The following RRM2B variants were observed in gnomAD, a reference collection of about 807,000 sequenced individuals.
RRM2B encodes the protein ribonucleoside-diphosphate reductase subunit M2 B.
In RRM2B, 20 loss-of-function variants were observed where a neutral mutation model predicts 45.9. The observed-to-expected ratio is 0.44, with a 90% CI of 0.31 to 0.63. RRM2B has a LOEUF of 0.63. Ranked by LOEUF, RRM2B falls within the 30% of genes least tolerant of loss-of-function variation. The probability of loss-of-function intolerance (pLI) is 0.09; values close to 1 mark genes in which losing one functional copy is unlikely to be tolerated. For synonymous variants in RRM2B, 124 were observed against 132.3 expected, an observed-to-expected ratio of 0.94 and a Z score of 0.43; for missense variants, 320 against 414.7, an observed-to-expected ratio of 0.77 and a Z score of 1.98.
chr8:102,219,004 TATATATACAC>T, intron 5 of RRM2B, 57 bp from the exon 6 acceptor site: 1 of 1,515,302 alleles, frequency 6.6e-7, no homozygotes, highest in Non-Finnish European at 9.1e-7. Context: ...TTTGCATATA[TATATATACAC>T]ATATATAACA....
chr8:102,231,214 A>G (rs1381653677), intron 2 of RRM2B, among the ~76,000 whole-genome samples: 1 of 152,198 alleles, frequency 6.6e-6, no homozygotes, highest in Non-Finnish European at 1.5e-5. Context: ...ACCAACCAGC[A>G]AATATTTTCT....
intron 2 of RRM2B, among the ~76,000 whole-genome samples, chr8:102,231,091 CAT>C (rs769548891): frequency 6.6e-6 from 1 of 152,176 alleles, no homozygotes; most frequent in Non-Finnish European, 1.5e-5. Flanking sequence ...CATATACAAA[CAT>C]ATACAGAACA....
chr8:102,220,617 C>T (rs1363297594), intron 5 of RRM2B, among the ~76,000 whole-genome samples: 4 of 152,022 alleles, frequency 2.6e-5, no homozygotes, highest in Admixed American at 2.6e-4. Flanking sequence ...TTTTTTATTT[C>T]TTTAGAGCTA....
At chr8:102,233,555 A>T (rs1811070483) in intron 1 of RRM2B, among the ~76,000 whole-genome samples, 1 of 152,330 alleles carries the variant, frequency 6.6e-6, no homozygotes, top group African/African-American at 2.4e-5. Context: ...AGAAAATTTT[A>T]ATTTAACATA....
intron 1 of RRM2B, among the ~76,000 whole-genome samples, chr8:102,238,075 C>A (rs1165980232): frequency 1.3e-5 from 2 of 152,220 alleles, no homozygotes; most frequent in Non-Finnish European, 2.9e-5. Flanking sequence ...AACTACCATA[C>A]AATCCTACAG....
rs1810511184 is a variant in RRM2B, at chr8:102,204,589, A to G, written c.*3544T>C. On this transcript the variant is annotated 3_prime_UTR_variant, in exon 9 of 9. Coordinates refer to ENST00000251810, the MANE Select transcript of RRM2B (RefSeq NM_015713.5). ...AGGAAATGTACAAAATGATGAAGAT[A>G]CCATAGTTTATTTCAACATACTAAG... The G allele has an allele frequency of 6.6e-6, 1 of 152,198 alleles. No individual in the cohort carries two copies. The highest frequency in any genetic ancestry group is 2.4e-5 in the African/African-American group (1 of 41,458). 9.4% of individuals were successfully genotyped at this position (152,198 alleles called of 1,614,324 possible).
chr8:102,226,084 C>T, intron 2 of RRM2B, 50 bp from the exon 3 acceptor site: 1 of 1,145,890 alleles, frequency 8.7e-7, no homozygotes, highest in African/African-American at 1.5e-5. Context: ...AAGTTCTTCT[C>T]AAAGTGTTTG....
In RRM2B at chr8:102,207,972, GA is replaced by G; in HGVS notation, c.*160del. ...AGGTCACACTCTTGTTGTTAAACAG[GA>G]AAATTATATAAATGCAAATTGTTTA... On this transcript the variant is annotated 3_prime_UTR_variant, in exon 9 of 9. Transcript: ENST00000251810. 1.6e-6 allele frequency: 1 copy of G among 607,516 alleles called. No individual in the cohort carries two copies. Among genetic ancestry groups the G allele is most frequent in the Non-Finnish European group, 2.9e-6 (1 of 346,410 alleles). 37.6% of individuals were successfully genotyped at this position (607,516 alleles called of 1,614,324 possible). A position where few individuals can be genotyped will look rare whatever the true frequency, so the allele number is the denominator to read the frequency against.
intron 6 of RRM2B, among the ~76,000 whole-genome samples, chr8:102,215,828 C>T (rs1810720335): frequency 6.6e-6 from 1 of 150,784 alleles, no homozygotes; most frequent in African/African-American, 2.4e-5. Context: ...CATGTAGTTC[C>T]AGCTACTTAA....
chr8:102,214,241 TG>T lies in RRM2B; in HGVS notation c.685-84del, dbSNP rs1182101692. Reference sequence around the variant, plus strand: ...GTGATGGGTCAAGCATTGTATAAAGTGGTTCTAGGAATATAACACAGAACTT... The same window carrying T: ...GTGATGGGTCAAGCATTGTATAAAGTGTTCTAGGAATATAACACAGAACTT... On this transcript the variant is annotated intron_variant, in intron 6 of 8. Transcript: ENST00000251810. 4.6e-5 allele frequency: 43 copies of T among 939,856 alleles called. No individual in the cohort carries two copies. The East Asian group carries it at 1.0e-3, about 22-fold the overall frequency. 58.2% of individuals were successfully genotyped at this position (939,856 alleles called of 1,614,324 possible). A position where few individuals can be genotyped will look rare whatever the true frequency, so the allele number is the denominator to read the frequency against.
At chr8:102,230,776 A>G (rs887594419) in intron 2 of RRM2B, among the ~76,000 whole-genome samples, 1 of 152,234 alleles carries the variant, frequency 6.6e-6, no homozygotes, top group Non-Finnish European at 1.5e-5. Flanking sequence ...TGTGCATAAA[A>G]TAATAGTTTA....
chr8:102,210,431 A>G (rs1810615980), intron 8 of RRM2B, among the ~76,000 whole-genome samples: 1 of 152,102 alleles, frequency 6.6e-6, no homozygotes, highest in Non-Finnish European at 1.5e-5. Context: ...AACCAAGACC[A>G]AAAAAACAAA....
chr8:102,235,288 T>G (rs112031892), intron 1 of RRM2B, among the ~76,000 whole-genome samples: 5,279 of 152,256 alleles, frequency 0.035, 150 homozygotes, highest in Admixed American at 0.082. Context: ...CCTAAAAATT[T>G]GAATTTGGGA....
intron 2 of RRM2B, among the ~76,000 whole-genome samples, chr8:102,228,094 C>A (rs1810965122): frequency 6.6e-6 from 1 of 152,142 alleles, no homozygotes; most frequent in African/African-American, 2.4e-5. Flanking sequence ...CCAAAACCAC[C>A]CATGGCCCCA....
chr8:102,231,208 A>ACCAG (rs1380550328), intron 2 of RRM2B, among the ~76,000 whole-genome samples: 2 of 152,226 alleles, frequency 1.3e-5, no homozygotes, highest in Admixed American at 6.5e-5. Context: ...GTCCTTACCA[A>ACCAG]CCAGCAAATA....
At chr8:102,233,111 C>A (rs1811060331) in intron 1 of RRM2B, among the ~76,000 whole-genome samples, 1 of 152,182 alleles carries the variant, frequency 6.6e-6, no homozygotes, top group South Asian at 2.1e-4. Flanking sequence ...ATAAGCTAAA[C>A]GTGTATAAAC....
chr8:102,215,435 A>G (rs1810712927), intron 6 of RRM2B, among the ~76,000 whole-genome samples: 2 of 150,926 alleles, frequency 1.3e-5, no homozygotes, highest in Admixed American at 1.3e-4. Context: ...AGAAGAAATT[A>G]CCATCAAGGC....
At chr8:102,215,493 G>C (rs1443260136) in intron 6 of RRM2B, among the ~76,000 whole-genome samples, 1 of 152,006 alleles carries the variant, frequency 6.6e-6, no homozygotes, top group African/African-American at 2.4e-5. Flanking sequence ...ACTTATTACA[G>C]AAAGCAATAC....
intron 1 of RRM2B, chr8:102,234,967 T>C (rs942400754): frequency 2.6e-5 from 4 of 152,534 alleles, no homozygotes; most frequent in South Asian, 2.1e-4. Context: ...AAGAGCAAAA[T>C]TGGTTAGTAG....
Sources: gnomAD v4.1 joint callset for allele counts (sites outside exome capture counted in the v4.1 genomes callset) on GRCh38, gnomAD v4.1.1 for gene constraint, MANE v1.5 for transcripts, NCBI Gene and HGNC (gene_info 2026-07-23, HGNC 2026-07-21) for gene names.